Variants in FAR2 observed in about 807,000 individuals in gnomAD.
FAR2 encodes the protein fatty acyl-CoA reductase 2.
Under a neutral mutation model 56.0 loss-of-function variants are expected in FAR2, and 19 were observed. The observed-to-expected ratio is 0.34, with a 90% CI of 0.24 to 0.50. FAR2 has a LOEUF of 0.50. FAR2 is among the 20% of genes least tolerant of loss of function. FAR2 has a pLI of 0.98. For missense variants in FAR2, 508 were observed against 642.2 expected (o/e 0.79, Z 2.26); for synonymous variants, 219 against 218.8 (o/e 1.00, Z -0.01).
chr12:29,295,723 T>TTTATATACAAGCAGCTAGTGA (rs1472813923), intron 3 of FAR2, among the ~76,000 whole-genome samples: 5 of 151,436 alleles, frequency 3.3e-5, no homozygotes, highest in African/African-American at 1.2e-4. Flanking sequence ...CTAATTTTTG[T>TTTATATACAAGCAGCTAGTGA]TTATATACAA....
Position 29,236,311 on chromosome 12 carries a change from C to G in FAR2, c.-38-34101C>G, listed in dbSNP as rs977295783. 2.6e-5 allele frequency among the ~76,000 whole-genome samples: 4 copies of G among 152,266 alleles called. No homozygotes were observed. The South Asian group carries it at 8.3e-4, about 32-fold the overall frequency. ...AATATTCGGCAAGAATTACCCTCAACCATTTGAAGCAGCAAATTACACCCT... is the reference window on the plus strand; with the variant it reads ...AATATTCGGCAAGAATTACCCTCAAGCATTTGAAGCAGCAAATTACACCCT... On this transcript the variant is annotated intron_variant, in intron 1 of 11. Transcript: ENST00000536681.
intron 6 of FAR2, 106 bp downstream of exon 6, chr12:29,309,336 T>C (rs532135765): frequency 2.4e-5 from 19 of 796,138 alleles, no homozygotes; most frequent in African/African-American, 5.2e-5. Flanking sequence ...TAAATGTTAC[T>C]TTACTAATAA....
intron 1 of FAR2, among the ~76,000 whole-genome samples, chr12:29,244,835 C>G (rs1296886123): frequency 6.6e-6 from 1 of 152,180 alleles, no homozygotes; most frequent in Admixed American, 6.5e-5. Flanking sequence ...AGAACTTGTA[C>G]AGCAGAAAAT....
intron 4 of FAR2, among the ~76,000 whole-genome samples, chr12:29,298,294 G>GT (rs57445542): frequency 0.034 from 4,966 of 145,470 alleles, 101 homozygotes; most frequent in East Asian, 0.08. Flanking sequence ...AGTTTACCTT[G>GT]TTTTTTTTTT....
chr12:29,285,492 G>A (rs974966310), intron 2 of FAR2, among the ~76,000 whole-genome samples: 4 of 152,076 alleles, frequency 2.6e-5, no homozygotes, highest in African/African-American at 9.7e-5. Flanking sequence ...TCAGCTGAAG[G>A]ATGTTCAACC....
At chr12:29,185,245 C>A (rs1950030158) in intron 1 of FAR2, among the ~76,000 whole-genome samples, 1 of 152,128 alleles carries the variant, frequency 6.6e-6, no homozygotes, top group Non-Finnish European at 1.5e-5. Context: ...ATTACACTAC[C>A]CTAGTCCCAC....
At chr12:29,197,069 G>A (rs904610523) in intron 1 of FAR2, among the ~76,000 whole-genome samples, 45 of 152,294 alleles carry the variant, frequency 3.0e-4, no homozygotes, top group African/African-American at 1.1e-3. Context: ...AATCCTTGGT[G>A]GAGAGAAAAT....
At chr12:29,226,834 A>G (rs1186552648) in intron 1 of FAR2, among the ~76,000 whole-genome samples, 1 of 152,164 alleles carries the variant, frequency 6.6e-6, no homozygotes, top group Non-Finnish European at 1.5e-5. Context: ...TGTGTTACAC[A>G]TTTTTTGTGT....
chr12:29,325,631 A>C (rs554334071), intron 10 of FAR2, among the ~76,000 whole-genome samples: 1 of 152,332 alleles, frequency 6.6e-6, no homozygotes, highest in East Asian at 1.9e-4. Flanking sequence ...GGAACTGAAC[A>C]ACCTGCTCCT....
chr12:29,287,402 G>C (rs1306376685), intron 2 of FAR2, among the ~76,000 whole-genome samples: 2 of 152,134 alleles, frequency 1.3e-5, no homozygotes, highest in Non-Finnish European at 2.9e-5. Context: ...GTGAATTTTT[G>C]TTAATCTGTA....
chr12:29,254,526 T>A (rs1048944220), intron 1 of FAR2, among the ~76,000 whole-genome samples: 1 of 152,200 alleles, frequency 6.6e-6, no homozygotes, highest in Non-Finnish European at 1.5e-5. Context: ...AAGGCTTGGA[T>A]CAATTAGGTC....
chr12:29,276,643 G>C (rs533475800), intron 2 of FAR2, among the ~76,000 whole-genome samples: 11 of 152,252 alleles, frequency 7.2e-5, no homozygotes, highest in South Asian at 2.1e-4. Context: ...TCGCTGATTG[G>C]CTGTGGATAA....
At chr12:29,194,521 CCACACACACACACACA>C (rs3222956) in intron 1 of FAR2, among the ~76,000 whole-genome samples, 7 of 140,892 alleles carry the variant, frequency 5.0e-5, no homozygotes, top group South Asian at 2.4e-4. Flanking sequence ...GCTAGTGATG[CCACACACACACACACA>C]CACACACACA....
chr12:29,192,819 C>G (rs576743783), intron 1 of FAR2, among the ~76,000 whole-genome samples: 10 of 152,200 alleles, frequency 6.6e-5, no homozygotes, highest in African/African-American at 2.4e-4. Context: ...GTTCATGAAG[C>G]ACAGGAGTCT....
At chr12:29,227,742 A>G (rs1947791619) in intron 1 of FAR2, among the ~76,000 whole-genome samples, 1 of 152,206 alleles carries the variant, frequency 6.6e-6, no homozygotes, top group African/African-American at 2.4e-5. Context: ...GACTGCAGGA[A>G]AAATTTTTTC....
intron 1 of FAR2, among the ~76,000 whole-genome samples, chr12:29,254,738 G>A (rs1948288090): frequency 1.3e-5 from 2 of 152,090 alleles, no homozygotes; most frequent in African/African-American, 4.8e-5. Flanking sequence ...GATCACTTGA[G>A]GTCAGGAGTT....
At chr12:29,150,812 C>CA (rs1404745370) in intron 1 of FAR2, among the ~76,000 whole-genome samples, 2 of 152,200 alleles carry the variant, frequency 1.3e-5, no homozygotes, top group Admixed American at 1.3e-4. Flanking sequence ...GCTGTATTAA[C>CA]AAATTCCTCA....
chr12:29,309,570 T>C (rs539209429), intron 6 of FAR2, among the ~76,000 whole-genome samples: 25 of 152,296 alleles, frequency 1.6e-4, no homozygotes, highest in Admixed American at 5.9e-4. Context: ...GTGCAGTGAA[T>C]TGAGGATGCA....
intron 10 of FAR2, among the ~76,000 whole-genome samples, chr12:29,325,046 T>G (rs915714777): frequency 6.6e-6 from 1 of 151,972 alleles, no homozygotes; most frequent in African/African-American, 2.4e-5. Context: ...AATAAAGGGA[T>G]GGAGGAAGAT....
Sources: gnomAD v4.1 joint callset for allele counts (sites outside exome capture counted in the v4.1 genomes callset) on GRCh38, gnomAD v4.1.1 for gene constraint, MANE v1.5 for transcripts, NCBI Gene and HGNC (gene_info 2026-07-23, HGNC 2026-07-21) for gene names.